Variants in TTC7A observed in about 807,000 individuals in gnomAD.
The protein encoded by TTC7A is tetratricopeptide repeat protein 7A.
Under a neutral mutation model 103.7 loss-of-function variants are expected in TTC7A, and 110 were observed. That is an observed-to-expected ratio of 1.06 (90% CI 0.91 to 1.24). TTC7A has a LOEUF of 1.24. TTC7A is among the 50% of genes most tolerant of loss of function. The pLI is 0.00. For missense variants in TTC7A, 1,340 were observed against 1,116.3 expected (o/e 1.20, Z -2.86); for synonymous variants, 521 against 467.9 (o/e 1.11, Z -1.47).
At chr2:47,024,397 G>C in intron 14 of TTC7A, 38 bp downstream of exon 14, 1 of 1,567,190 alleles carries the variant, frequency 6.4e-7, no homozygotes, top group South Asian at 1.2e-5. Flanking sequence ...GGTCCTCGGG[G>C]GCTGCTGATC....
intron 18 of TTC7A, among the ~76,000 whole-genome samples, chr2:47,060,123 C>A (rs1249090270): frequency 6.6e-6 from 1 of 151,928 alleles, no homozygotes; most frequent in African/African-American, 2.4e-5. Context: ...CGGTGGCTCA[C>A]GCTTGTAATC....
chr2:46,965,512 C>A (rs1412709335), intron 3 of TTC7A, among the ~76,000 whole-genome samples: 3 of 151,684 alleles, frequency 2.0e-5, no homozygotes, highest in East Asian at 3.9e-4. Context: ...CTAGTCGACA[C>A]TGATGCTTTT....
At chr2:46,921,202 T>C (rs1311243645) in intron 2 of TTC7A, among the ~76,000 whole-genome samples, 4 of 152,196 alleles carry the variant, frequency 2.6e-5, no homozygotes, top group Admixed American at 1.3e-4. Flanking sequence ...ATAAAAGGCA[T>C]GCAGACTGGG....
chr2:46,974,850 G>C, intron 3 of TTC7A, 123 bp from the exon 4 acceptor site: 1 of 1,334,394 alleles, frequency 7.5e-7, no homozygotes, highest in Non-Finnish European at 1.0e-6. Context: ...GCAGACCTCC[G>C]CCTCCTCCTG....
At chr2:47,031,722 C>T (rs1680562925) in intron 15 of TTC7A, among the ~76,000 whole-genome samples, 1 of 152,256 alleles carries the variant, frequency 6.6e-6, no homozygotes. Context: ...TCCATCCCAG[C>T]ACCTGACATC....
At chr2:47,072,998 T>C (rs931210359) in intron 19 of TTC7A, among the ~76,000 whole-genome samples, 2 of 152,148 alleles carry the variant, frequency 1.3e-5, no homozygotes, top group African/African-American at 2.4e-5. Context: ...CAAGCTTCCC[T>C]GTGCGTGACC....
At chr2:46,961,379 A>G (rs1344118556) in intron 3 of TTC7A, among the ~76,000 whole-genome samples, 7 of 152,072 alleles carry the variant, frequency 4.6e-5, no homozygotes, top group Non-Finnish European at 8.8e-5. Context: ...GATCAAGACC[A>G]TCCTGGCTAA....
chr2:46,946,029 T>C (rs1005057834), intron 1 of TTC7A, among the ~76,000 whole-genome samples: 1 of 152,146 alleles, frequency 6.6e-6, no homozygotes, highest in Non-Finnish European at 1.5e-5. Context: ...CATCCAAACA[T>C]GGGGTCTTGA....
Position 47,006,371 on chromosome 2 carries a change from T to C in TTC7A, c.1204-270T>C, listed in dbSNP as rs138449153. Among the ~76,000 whole-genome samples the C allele has an allele frequency of 2.9e-3, 449 of 152,366 alleles. 1 individual carries two copies. Among genetic ancestry groups the C allele is most frequent in the African/African-American group, 1.0e-2 (415 of 41,584 alleles). On this transcript the variant is annotated intron_variant, in intron 9 of 19. Coordinates refer to ENST00000319190, the MANE Select transcript of TTC7A (RefSeq NM_020458.4). ...TTTGAAAGCACTTTCACAAATCTTA[T>C]TCCATTTGCTCTTTGCCATCACCCT...
At chr2:46,974,896 A>T in intron 3 of TTC7A, 77 bp from the exon 4 acceptor site, 1 of 1,559,410 alleles carries the variant, frequency 6.4e-7, no homozygotes, top group Non-Finnish European at 8.7e-7. Flanking sequence ...GGATGAGCCC[A>T]CCTTCGGCCC....
At chr2:47,003,662 G>A (rs1254515395) in intron 8 of TTC7A, among the ~76,000 whole-genome samples, 1 of 152,186 alleles carries the variant, frequency 6.6e-6, no homozygotes, top group Admixed American at 6.5e-5. Flanking sequence ...CAGACTGCCT[G>A]GCTCCACCCG....
intron 1 of TTC7A, among the ~76,000 whole-genome samples, chr2:46,948,090 ACTGATGGTG>A (rs1671087772): frequency 6.6e-6 from 1 of 152,182 alleles, no homozygotes; most frequent in Non-Finnish European, 1.5e-5. Context: ...CGGGATGGCC[ACTGATGGTG>A]CCGTATCTGG....
intron 15 of TTC7A, among the ~76,000 whole-genome samples, chr2:47,038,688 G>C (rs1681426027): frequency 8.9e-6 from 1 of 112,456 alleles, no homozygotes; most frequent in Non-Finnish European, 1.7e-5. Flanking sequence ...AGAATGGCCA[G>C]GAGCCAGAGG....
chr2:47,070,247 C>G (rs1230047628), intron 19 of TTC7A, among the ~76,000 whole-genome samples: 1 of 152,276 alleles, frequency 6.6e-6, no homozygotes, highest in African/African-American at 2.4e-5. Context: ...TGTGCCTCTG[C>G]AGATGACCTG....
chr2:46,932,853 A>G (rs1558481097), intron 2 of TTC7A, among the ~76,000 whole-genome samples: 1 of 150,218 alleles, frequency 6.7e-6, no homozygotes, highest in Non-Finnish European at 1.5e-5. Context: ...GCAAGCGCAG[A>G]TCGCACCACT....
At chr2:47,041,749 G>A (rs1256041316) in intron 15 of TTC7A, among the ~76,000 whole-genome samples, 10 of 140,178 alleles carry the variant, frequency 7.1e-5, no homozygotes, top group South Asian at 2.3e-4. Context: ...GCAAAACTCC[G>A]TCTCAAAAAA....
intron 1 of TTC7A, among the ~76,000 whole-genome samples, chr2:46,945,297 G>T (rs1381152142): frequency 3.3e-5 from 5 of 152,074 alleles, no homozygotes; most frequent in Non-Finnish European, 4.4e-5. Flanking sequence ...TCTGTTGCCA[G>T]GCTGGAGTGC....
intron 15 of TTC7A, among the ~76,000 whole-genome samples, chr2:47,045,899 G>C (rs1480005551): frequency 6.6e-6 from 1 of 152,222 alleles, no homozygotes; most frequent in East Asian, 1.9e-4. Context: ...AAGGTCCCAT[G>C]CTGGGCCCTG....
intron 19 of TTC7A, among the ~76,000 whole-genome samples, chr2:47,072,816 G>GC (rs34723405): frequency 0.85 from 128,872 of 152,216 alleles, 54,734 homozygotes; most frequent in East Asian, 0.95. Flanking sequence ...AGGGGGCCCT[G>GC]CCCTCTCCCT....
Sources: gnomAD v4.1 joint callset for allele counts (sites outside exome capture counted in the v4.1 genomes callset) on GRCh38, gnomAD v4.1.1 for gene constraint, MANE v1.5 for transcripts, NCBI Gene and HGNC (gene_info 2026-07-23, HGNC 2026-07-21) for gene names.